Variants in CCDC9 observed in about 807,000 individuals in gnomAD.
CCDC9 encodes coiled-coil domain containing 9.
CCDC9 carries 52 observed loss-of-function variants against 65.6 expected under a neutral mutation model. That is an observed-to-expected ratio of 0.79 (90% CI 0.63 to 1.00). The LOEUF is 1.00. Ranked by LOEUF, CCDC9 falls within the 50% of genes least tolerant of loss-of-function variation. The pLI, the probability that CCDC9 is intolerant of heterozygous loss-of-function variation, is 0.00. For synonymous variants in CCDC9, 332 were observed against 280.3 expected (o/e 1.18, Z -1.84); for missense variants, 834 against 757.2 (o/e 1.10, Z -1.19).
chr19:47,274,914 G>T, downstream of CCDC9: 1 of 1,313,416 alleles, frequency 7.6e-7, no homozygotes, highest in Non-Finnish European at 9.6e-7. Flanking sequence ...CGAGTGGGCT[G>T]CGGGGATGCG....
intron 5 of CCDC9, among the ~76,000 whole-genome samples, chr19:47,264,376 C>G (rs1017619358): frequency 5.9e-5 from 9 of 152,204 alleles, no homozygotes; most frequent in African/African-American, 2.2e-4. Context: ...CCAGACCCCC[C>G]AGTAGGAAGG....
intron 5 of CCDC9, among the ~76,000 whole-genome samples, chr19:47,263,294 A>C (rs2059057616): frequency 6.6e-6 from 1 of 152,108 alleles, no homozygotes; most frequent in African/African-American, 2.4e-5. Context: ...GTGGTTTGCT[A>C]GAAAGACTCA....
At chr19:47,275,089 C>T, downstream of CCDC9, 6 of 1,495,286 alleles carry the variant, frequency 4.0e-6, no homozygotes, top group Non-Finnish European at 5.3e-6. Context: ...ATCTGGGTAC[C>T]CACGCGGTCT....
chr19:47,266,804 C>G lies in CCDC9; in HGVS notation c.902+12C>G. On this transcript the variant is annotated intron_variant, in intron 8 of 11. Coordinates refer to ENST00000221922, the MANE Select transcript of CCDC9 (RefSeq NM_015603.3). ...AAGACCGATGGGATGTGAGTCTCCTCCCCGCTCCTCTCCCCATGTGGCACG... is the reference window on the plus strand; with the variant it reads ...AAGACCGATGGGATGTGAGTCTCCTGCCCGCTCCTCTCCCCATGTGGCACG... 3 of 1,597,266 alleles carry G rather than the reference C, an allele frequency of 1.9e-6. No individual in the cohort carries two copies. Among genetic ancestry groups the G allele is most frequent in the Non-Finnish European group, 2.6e-6 (3 of 1,172,314 alleles).
At chr19:47,262,061 A>G (rs1463423667) in intron 5 of CCDC9, among the ~76,000 whole-genome samples, 1 of 152,016 alleles carries the variant, frequency 6.6e-6, no homozygotes, top group African/African-American at 2.4e-5. Context: ...GGGCATGCCA[A>G]GCTGCTGTCA....
intron 8 of CCDC9, among the ~76,000 whole-genome samples, chr19:47,267,451 G>C (rs2059089631): frequency 6.6e-6 from 1 of 152,114 alleles, no homozygotes; most frequent in Non-Finnish European, 1.5e-5. Context: ...GGTATGCTGG[G>C]CTGAGCTGAT....
chr19:47,259,183 CAA>C (rs1239180428), intron 3 of CCDC9, among the ~76,000 whole-genome samples: 1 of 152,146 alleles, frequency 6.6e-6, no homozygotes, highest in African/African-American at 2.4e-5. Flanking sequence ...ATGTTGGAAG[CAA>C]GAGAGAGCTT....
At chr19:47,274,240 A>C (rs1281058374), downstream of CCDC9, among the ~76,000 whole-genome samples, 1 of 149,092 alleles carries the variant, frequency 6.7e-6, no homozygotes, top group African/African-American at 2.5e-5. Flanking sequence ...GTGCTGGAGG[A>C]GGCGGGTCCC....
At chr19:47,274,799 TGGCGGG>T (rs1374219504), downstream of CCDC9, 64 of 603,818 alleles carry the variant, frequency 1.1e-4, no homozygotes, top group Middle Eastern at 1.8e-3. Flanking sequence ...GTGACCATGC[TGGCGGG>T]GGCGGGGCCG....
rs1390076894 is a variant in CCDC9 at position 47,260,379 on chromosome 19, G to C, written c.167G>C (p.Arg56Pro). 6.2e-7 allele frequency: 1 copy of C among 1,605,606 alleles called. No individual in the cohort carries two copies. The highest frequency in any genetic ancestry group is 1.7e-5 in the Admixed American group (1 of 58,762). Residue 56 changes from arginine to proline, a missense_variant, in exon 4 of 12, where the codon CGA (arginine) becomes CCA (proline). Transcript: ENST00000221922. ...ELEGVAVTAP[R>P]KGRSVEKENV... The stretch of plus-strand genomic sequence containing the variant: ...GAGGGAGTCGCAGTCACAGCTCCCC[G>C]AAAGGGCCGCTCAGTGGAGAAGGAG...
At chr19:47,258,210 T>C (rs1374462434) in intron 1 of CCDC9, 120 bp from the exon 2 acceptor site, 1 of 623,346 alleles carries the variant, frequency 1.6e-6, no homozygotes, top group Admixed American at 2.9e-5. Context: ...GAGTGAGGGC[T>C]ACAATTCTCT....
chr19:47,270,772 G>A (rs2059111738), intron 10 of CCDC9, 84 bp downstream of exon 10: 5 of 1,413,066 alleles, frequency 3.5e-6, no homozygotes, highest in African/African-American at 1.4e-5. Context: ...GAAGGTGTGG[G>A]TACATCTGTC....
At chr19:47,272,271 G>T, downstream of CCDC9, 1 of 696,516 alleles carries the variant, frequency 1.4e-6, no homozygotes, top group South Asian at 7.4e-5. Flanking sequence ...GTAGCAGTTG[G>T]ACCATAGAGG....
chr19:47,274,316 C>A (rs114657414), downstream of CCDC9: 1 of 57,624 alleles, frequency 1.7e-5, no homozygotes, highest in Admixed American at 2.2e-4. Context: ...GAGCGGGGGG[C>A]GGGGTCAGCG....
chr19:47,275,436 C>A, downstream of CCDC9: 1 of 1,441,640 alleles, frequency 6.9e-7, no homozygotes, highest in Non-Finnish European at 9.2e-7. Context: ...TTGGTCCGGC[C>A]TTCTTCCTAA....
downstream of CCDC9, among the ~76,000 whole-genome samples, chr19:47,274,270 G>T (rs562340446): frequency 2.6e-5 from 4 of 151,222 alleles, no homozygotes; most frequent in African/African-American, 4.9e-5. Flanking sequence ...GAGCTAGGCT[G>T]CCTGGGCGGG....
At chr19:47,273,357 A>T, downstream of CCDC9, 1 of 1,231,666 alleles carries the variant, frequency 8.1e-7, no homozygotes, top group Non-Finnish European at 1.0e-6. Context: ...CTCTCCTCAG[A>T]GGCAGGCCCC....
At chr19:47,272,978 G>A (rs1395457043), downstream of CCDC9, among the ~76,000 whole-genome samples, 6 of 151,606 alleles carry the variant, frequency 4.0e-5, no homozygotes, top group Non-Finnish European at 8.8e-5. Flanking sequence ...GCGAAGGAAA[G>A]GGGAGGGCGG....
intron 5 of CCDC9, among the ~76,000 whole-genome samples, chr19:47,264,183 T>C (rs1321661737): frequency 6.6e-6 from 1 of 152,164 alleles, no homozygotes; most frequent in Non-Finnish European, 1.5e-5. Flanking sequence ...GCCCGGCCAC[T>C]TTTAAAATTT....
Sources: allele counts gnomAD v4.1 joint callset (sites outside exome capture counted in the v4.1 genomes callset), GRCh38; gene constraint gnomAD v4.1.1; transcripts MANE v1.5; gene names NCBI Gene and HGNC (gene_info 2026-07-23, HGNC 2026-07-21).